Variants in PARD3B observed in about 807,000 individuals in gnomAD.
PARD3B encodes the protein par-3 family cell polarity regulator beta.
PARD3B carries 103 observed loss-of-function variants against 130.2 expected under a neutral mutation model. That is an observed-to-expected ratio of 0.79 (90% CI 0.67 to 0.93). PARD3B has a LOEUF of 0.93. PARD3B is among the 40% of genes least tolerant of loss of function. The probability of loss-of-function intolerance (pLI) is 0.00; values close to 1 mark genes in which losing one functional copy is unlikely to be tolerated. For missense variants in PARD3B, 1,609 were observed against 1,499.2 expected, an observed-to-expected ratio of 1.07 and a Z score of -1.21; for synonymous variants, 583 against 553.2, an observed-to-expected ratio of 1.05 and a Z score of -0.76.
At chr2:204,561,942 TCAAA>T (rs998617074) in intron 1 of PARD3B, among the ~76,000 whole-genome samples, 15 of 152,102 alleles carry the variant, frequency 9.9e-5, no homozygotes, top group Admixed American at 8.5e-4. Flanking sequence ...CTGTTGGGTC[TCAAA>T]CAATGGCAAG....
At chr2:205,353,292 C>T (rs1421058945) in intron 18 of PARD3B, among the ~76,000 whole-genome samples, 1 of 152,210 alleles carries the variant, frequency 6.6e-6, no homozygotes, top group Non-Finnish European at 1.5e-5. Flanking sequence ...CAGACCTGCA[C>T]TGGGCAGGCT....
At chr2:205,412,834 A>C (rs770323103) in intron 19 of PARD3B, among the ~76,000 whole-genome samples, 1 of 152,088 alleles carries the variant, frequency 6.6e-6, no homozygotes, top group Non-Finnish European at 1.5e-5. Flanking sequence ...TTCTCAAACT[A>C]CCTAAGTTGG....
At chr2:205,400,819 G>C in intron 18 of PARD3B, among the ~76,000 whole-genome samples, 194 bp from the exon 19 acceptor site, 1 of 152,092 alleles carries the variant, frequency 6.6e-6, no homozygotes, top group East Asian at 1.9e-4. Flanking sequence ...AAAGAAGAGA[G>C]AAAAGGGGGA....
At position 204,545,823 on chromosome 2, in the gene PARD3B, G is replaced by A; in HGVS notation, c.-177G>A. 1 of 622,782 alleles carries A rather than the reference G, an allele frequency of 1.6e-6. No homozygotes were observed. Among genetic ancestry groups the A allele is most frequent in the Non-Finnish European group, 2.4e-6 (1 of 408,196 alleles). 38.6% of individuals were successfully genotyped at this position (622,782 alleles called of 1,614,324 possible). ...CGCCCCTCCCCGATTCCCGCCACCT[G>A]CCGCCTGGCCAGGTGGAAGGGGCGC... On this transcript the variant is annotated 5_prime_UTR_variant, in exon 1 of 23. Transcript: ENST00000406610.
At chr2:204,706,199 C>T (rs1441228784) in intron 2 of PARD3B, among the ~76,000 whole-genome samples, 1 of 151,790 alleles carries the variant, frequency 6.6e-6, no homozygotes, top group Non-Finnish European at 1.5e-5. Flanking sequence ...AACGCTGTCT[C>T]TACTAAAAAT....
chr2:205,430,919 C>G (rs1018270813), intron 19 of PARD3B, among the ~76,000 whole-genome samples: 5 of 151,894 alleles, frequency 3.3e-5, no homozygotes, highest in Admixed American at 3.3e-4. Context: ...TTAGATGATA[C>G]CAAGGAATAA....
At chr2:205,113,640 C>T (rs1385442945) in intron 6 of PARD3B, 63 bp downstream of exon 6, 4 of 1,039,200 alleles carry the variant, frequency 3.8e-6, no homozygotes, top group Non-Finnish European at 5.6e-6. Flanking sequence ...AGCTCCTTTT[C>T]CCAAATATTT....
At chr2:204,978,408 A>G (rs1263609100) in intron 3 of PARD3B, among the ~76,000 whole-genome samples, 3 of 152,204 alleles carry the variant, frequency 2.0e-5, no homozygotes, top group Non-Finnish European at 4.4e-5. Context: ...AATTCTGTGC[A>G]ACAGTTCTCA....
chr2:204,960,463 T>C (rs1202727497), intron 2 of PARD3B, among the ~76,000 whole-genome samples: 1 of 152,174 alleles, frequency 6.6e-6, no homozygotes, highest in East Asian at 1.9e-4. Context: ...TTATCGGCCA[T>C]AATTTCCAAA....
intron 2 of PARD3B, among the ~76,000 whole-genome samples, chr2:204,733,479 CTTTTT>C (rs34103852): frequency 7.9e-6 from 1 of 127,248 alleles, no homozygotes; most frequent in Non-Finnish European, 1.7e-5. Flanking sequence ...CCTTGACAGG[CTTTTT>C]TTTTTTTTTT....
intron 22 of PARD3B, among the ~76,000 whole-genome samples, chr2:205,557,065 G>T (rs2052921665): frequency 6.6e-6 from 1 of 152,076 alleles, no homozygotes; most frequent in African/African-American, 2.4e-5. Context: ...TCTGCAGATG[G>T]CTCTGTGCAT....
At chr2:204,976,753 C>T (rs576713012) in intron 3 of PARD3B, among the ~76,000 whole-genome samples, 6 of 151,644 alleles carry the variant, frequency 4.0e-5, no homozygotes, top group East Asian at 1.9e-4. Flanking sequence ...ACTAGAGGTG[C>T]GGGCCATCAC....
At chr2:204,661,990 T>C (rs1022261751) in intron 1 of PARD3B, among the ~76,000 whole-genome samples, 5 of 152,216 alleles carry the variant, frequency 3.3e-5, no homozygotes, top group Admixed American at 6.5e-5. Context: ...TCTAATACTG[T>C]ACTAAAACTT....
Position 205,309,454 on chromosome 2 carries a change from T to C in PARD3B, c.2630+7753T>C, listed in dbSNP as rs1309827454. Among the ~76,000 whole-genome samples the C allele has an allele frequency of 6.6e-6, 1 of 152,220 alleles. No homozygotes were observed. The highest frequency in any genetic ancestry group is 1.5e-5 in the Non-Finnish European group (1 of 68,038). On this transcript the variant is annotated intron_variant, in intron 18 of 22. Coordinates refer to ENST00000406610, the MANE Select transcript of PARD3B (RefSeq NM_001302769.2). The surrounding 1 kb of genome is among the most constrained non-coding windows in gnomAD (Gnocchi z 4.7). ...CTTTTTGTTCCTAAGCCTTACAGAT[T>C]TTAAGGCATATATGTTTACTTCATT...
intron 1 of PARD3B, among the ~76,000 whole-genome samples, chr2:204,684,964 A>G (rs1411555397): frequency 6.6e-6 from 1 of 152,190 alleles, no homozygotes; most frequent in Admixed American, 6.5e-5. Flanking sequence ...TATTACTGGA[A>G]AGCTATGTAC....
chr2:205,561,255 A>G (rs982272066), intron 22 of PARD3B, among the ~76,000 whole-genome samples: 2 of 152,088 alleles, frequency 1.3e-5, no homozygotes, highest in African/African-American at 4.8e-5. Context: ...GCATTGCACT[A>G]TTTTATTGTG....
At chr2:205,552,288 G>A (rs1416130677) in intron 21 of PARD3B, among the ~76,000 whole-genome samples, 4 of 133,880 alleles carry the variant, frequency 3.0e-5, no homozygotes, top group Non-Finnish European at 4.8e-5. Context: ...TCGTAAGAGA[G>A]AGAACTGAGG....
intron 2 of PARD3B, among the ~76,000 whole-genome samples, chr2:204,729,527 G>T (rs896968240): frequency 1.3e-5 from 2 of 152,120 alleles, no homozygotes; most frequent in African/African-American, 4.8e-5. Context: ...GTATAATCTT[G>T]AAATGTGATA....
At chr2:205,471,031 T>C (rs2048807568) in intron 20 of PARD3B, among the ~76,000 whole-genome samples, 1 of 152,214 alleles carries the variant, frequency 6.6e-6, no homozygotes, top group African/African-American at 2.4e-5. Context: ...TTGCAAGTTG[T>C]GACCTCGTTC....
Sources: gnomAD v4.1 joint callset for allele counts (sites outside exome capture counted in the v4.1 genomes callset) on GRCh38, gnomAD v4.1.1 for gene constraint, Gnocchi (gnomAD v3.1) non-coding constraint, MANE v1.5 for transcripts, NCBI Gene and HGNC (gene_info 2026-07-23, HGNC 2026-07-21) for gene names.